Variants in MTAP observed in about 807,000 individuals in gnomAD.
MTAP encodes methylthioadenosine phosphorylase.
MTAP carries 33 observed loss-of-function variants against 33.6 expected under a neutral mutation model. The ratio of observed to expected loss-of-function variants is 0.98; its 90% CI spans 0.74 to 1.31. The LOEUF is 1.31. MTAP is among the 40% of genes most tolerant of loss of function. MTAP has a pLI of 0.00. For missense variants in MTAP, 367 were observed against 360.0 expected (o/e 1.02, Z -0.16); for synonymous variants, 148 against 125.7 (o/e 1.18, Z -1.19).
At chr9:21,875,636 G>A (rs192425420) in intron 1 of MTAP, among the ~76,000 whole-genome samples, 126 of 152,064 alleles carry the variant, frequency 8.3e-4, no homozygotes, top group African/African-American at 2.9e-3. Context: ...AAGTGAAAAC[G>A]TGTGGTATTT....
chr9:21,880,620 C>A (rs1433076634), intron 1 of MTAP, among the ~76,000 whole-genome samples: 1 of 151,814 alleles, frequency 6.6e-6, no homozygotes, highest in Non-Finnish European at 1.5e-5. Context: ...ATGAACAATC[C>A]AAAATCAAAT....
At chr9:21,828,294 G>C (rs1202653179) in intron 4 of MTAP, among the ~76,000 whole-genome samples, 1 of 152,194 alleles carries the variant, frequency 6.6e-6, no homozygotes, top group Admixed American at 6.5e-5. Context: ...GTAACTGAGT[G>C]CCATTATTGA....
In MTAP at chr9:21,851,285, C is replaced by T. The variant is rs536874080; in HGVS notation, c.451-3346C>T. ...GGTAGTCATCGATACCAGCTACAAC[C>T]ATGTGACCAGCTACAGAAATGAGGA... On this transcript the variant is annotated intron_variant, in intron 5 of 7. Transcript: ENST00000644715. Among the ~76,000 whole-genome samples, 13 of 152,286 alleles carry T rather than the reference C, an allele frequency of 8.5e-5. No homozygotes were observed. The South Asian group carries it at 1.2e-3, about 15-fold the overall frequency.
chr9:21,890,006 C>G (rs1818173883), intron 1 of MTAP, among the ~76,000 whole-genome samples: 1 of 152,024 alleles, frequency 6.6e-6, no homozygotes. Context: ...ATAGAGCTCC[C>G]AAGAGATTAT....
chr9:21,931,502 G>A (rs1220835199), downstream of MTAP: 2 of 236,608 alleles, frequency 8.5e-6, no homozygotes, highest in East Asian at 9.2e-5. Flanking sequence ...TCCTGAAGCT[G>A]GTGATCAGCA....
intron 5 of MTAP, among the ~76,000 whole-genome samples, chr9:21,846,008 A>G (rs1361475441): frequency 6.6e-6 from 1 of 152,166 alleles, no homozygotes. Flanking sequence ...AAAAACATAC[A>G]CTGAGGAAAG....
rs1461333649 is a variant in MTAP at position 21,864,266 on chromosome 9, A to T, written c.*2252A>T. 2 of 985,306 alleles carry T rather than the reference A, an allele frequency of 2.0e-6. No homozygotes were observed. The highest frequency in any genetic ancestry group is 2.4e-6 in the Non-Finnish European group (2 of 829,934). The allele number at this position is 985,306 out of a possible 1,614,324, so 61.0% of individuals were successfully genotyped here. ...AATCATTCACTCCTTATGCAAAGCC[A>T]ATATAATTTTCCTCATACCTTATGC... is the stretch of plus-strand genomic sequence containing the variant. On this transcript the variant is annotated 3_prime_UTR_variant, in exon 8 of 8. Coordinates refer to ENST00000644715, the MANE Select transcript of MTAP (RefSeq NM_002451.4).
At chr9:21,814,649 C>CA (rs1260455175) in intron 1 of MTAP, among the ~76,000 whole-genome samples, 1 of 152,056 alleles carries the variant, frequency 6.6e-6, no homozygotes, top group Non-Finnish European at 1.5e-5. Flanking sequence ...TTCTTTAACT[C>CA]AGACAAGGAC....
At chr9:21,906,284 G>C (rs1216569868) in intron 1 of MTAP, among the ~76,000 whole-genome samples, 4 of 152,044 alleles carry the variant, frequency 2.6e-5, no homozygotes, top group Non-Finnish European at 5.9e-5. Flanking sequence ...AAGAAAATAT[G>C]TATATATGTT....
At chr9:21,894,147 T>A (rs1453450198) in intron 1 of MTAP, among the ~76,000 whole-genome samples, 1 of 144,834 alleles carries the variant, frequency 6.9e-6, no homozygotes. Context: ...AAAAAACAAA[T>A]ACCACATTAT....
In MTAP at chr9:21,826,206, A is replaced by G. The variant is rs1170778095; in HGVS notation, c.347+8004A>G. 2.7e-5 allele frequency among the ~76,000 whole-genome samples: 4 copies of G among 149,900 alleles called. No homozygotes were observed. In the East Asian group the frequency reaches 7.8e-4, roughly 29 times the overall value. ...ACATTTTCTTTTTTTTTTTTTTTAA[A>G]GAGAGTATAAATTAGTATTTCCTTA... is the stretch of plus-strand genomic sequence containing the variant. On this transcript the variant is annotated intron_variant, in intron 4 of 7. Transcript: ENST00000644715.
intron 1 of MTAP, among the ~76,000 whole-genome samples, chr9:21,878,435 G>A (rs1405399439): frequency 6.6e-6 from 1 of 151,902 alleles, no homozygotes; most frequent in Non-Finnish European, 1.5e-5. Flanking sequence ...GGTTCCTCTA[G>A]TTGTAATTTT....
chr9:21,888,683 C>T (rs7849934), intron 1 of MTAP, among the ~76,000 whole-genome samples: 8 of 152,122 alleles, frequency 5.3e-5, no homozygotes, highest in African/African-American at 1.4e-4. Context: ...CTTTTTCCAC[C>T]GCTTTACCTT....
intron 1 of MTAP, among the ~76,000 whole-genome samples, chr9:21,918,337 G>A (rs1204350672): frequency 3.3e-5 from 3 of 92,066 alleles, no homozygotes; most frequent in Non-Finnish European, 5.2e-5. Flanking sequence ...GCGACAGAAC[G>A]AGACTCCGTC....
intron 1 of MTAP, among the ~76,000 whole-genome samples, chr9:21,809,718 T>C (rs757327953): frequency 1.3e-5 from 2 of 152,038 alleles, no homozygotes. Context: ...TAGAACCACC[T>C]GCGGAGCTTT....
intron 5 of MTAP, among the ~76,000 whole-genome samples, chr9:21,853,863 G>T (rs1825572688): frequency 6.6e-6 from 1 of 152,148 alleles, no homozygotes; most frequent in South Asian, 2.1e-4. Context: ...TAACAGTTAA[G>T]TTGAAAAGAC....
In MTAP at chr9:21,864,291, C is replaced by G; in HGVS notation, c.*2277C>G. The G allele has an allele frequency of 1.0e-6, 1 of 985,260 alleles. No individual in the cohort carries two copies. The highest frequency in any genetic ancestry group is 1.7e-5 in the African/African-American group (1 of 57,328). 61.0% of individuals were successfully genotyped at this position (985,260 alleles called of 1,614,324 possible). Reference sequence around the variant, plus strand: ...AATATAATTTTCCTCATACCTTATGCTTGAGGATATTGTTGAAGAACACTT... The same window carrying G: ...AATATAATTTTCCTCATACCTTATGGTTGAGGATATTGTTGAAGAACACTT... On this transcript the variant is annotated 3_prime_UTR_variant, in exon 8 of 8. Coordinates refer to ENST00000644715, the MANE Select transcript of MTAP (RefSeq NM_002451.4).
In MTAP at chr9:21,864,129, A is replaced by G. The variant is rs963959595; in HGVS notation, c.*2115A>G. ...GGCATTTTTCTTGCTATGTTCAGAAAGTACAGTTCTCTCCAACTTGCAGAG... is the reference window on the plus strand; with the variant it reads ...GGCATTTTTCTTGCTATGTTCAGAAGGTACAGTTCTCTCCAACTTGCAGAG... On this transcript the variant is annotated 3_prime_UTR_variant, in exon 8 of 8. Transcript: ENST00000644715. 2.0e-6 allele frequency: 2 copies of G among 985,356 alleles called. No individual in the cohort carries two copies. The highest frequency in any genetic ancestry group is 3.5e-5 in the African/African-American group (2 of 57,252). 61.0% of individuals were successfully genotyped at this position (985,356 alleles called of 1,614,324 possible).
At chr9:21,934,415 C>T (rs1274347650), downstream of MTAP, 1 of 152,174 alleles carries the variant, frequency 6.6e-6, no homozygotes, top group Non-Finnish European at 1.5e-5. This position sits in a 1 kb window ranked among gnomAD's most constrained non-coding sequence, Gnocchi z 5.0. Flanking sequence ...GGATAATCTT[C>T]AGTAAATAAA....
Sources: allele counts gnomAD v4.1 joint callset (sites outside exome capture counted in the v4.1 genomes callset), GRCh38; gene constraint gnomAD v4.1.1; non-coding constraint Gnocchi (gnomAD v3.1); transcripts MANE v1.5; gene names NCBI Gene and HGNC (gene_info 2026-07-23, HGNC 2026-07-21).